The following STK32B variants were observed in gnomAD, a reference collection of about 807,000 sequenced individuals.
STK32B encodes serine/threonine kinase 32B.
A neutral mutation model predicts 52.6 loss-of-function variants in STK32B; 43 were observed. The ratio of observed to expected loss-of-function variants is 0.82; its 90% CI spans 0.64 to 1.05. The LOEUF (loss-of-function observed/expected upper bound fraction) is 1.05. Among genes scored for constraint, STK32B ranks in the 50% least tolerant of loss-of-function variants. The probability of loss-of-function intolerance (pLI) is 0.00; values close to 1 mark genes in which losing one functional copy is unlikely to be tolerated. For missense variants in STK32B, 621 were observed against 534.6 expected (o/e 1.16, Z -1.59); for synonymous variants, 238 against 204.3 (o/e 1.17, Z -1.41).
intron 3 of STK32B, among the ~76,000 whole-genome samples, chr4:5,275,864 T>G (rs1474758346): frequency 1.3e-5 from 2 of 151,848 alleles, no homozygotes; most frequent in Non-Finnish European, 2.9e-5. Flanking sequence ...CATGTAAGAT[T>G]TGTAGTATTT....
At chr4:5,284,590 A>G (rs556849102) in intron 3 of STK32B, among the ~76,000 whole-genome samples, 2 of 152,334 alleles carry the variant, frequency 1.3e-5, no homozygotes, top group East Asian at 3.9e-4. Flanking sequence ...TTCAAAGTTG[A>G]TAGACATGTA....
the STK32B span, among the ~76,000 whole-genome samples, chr4:5,030,499 G>T: frequency 1.1e-4 from 16 of 152,214 alleles, no homozygotes; most frequent in Admixed American, 2.0e-4. Context: ...GCCTGGAAAC[G>T]AACAATAGCT....
chr4:5,079,959 G>A (rs560402900), intron 1 of STK32B, among the ~76,000 whole-genome samples: 117 of 152,224 alleles, frequency 7.7e-4, no homozygotes, highest in Middle Eastern at 3.4e-3. Flanking sequence ...AGAGAGGTTG[G>A]GGGCTGGGGA....
chr4:5,061,258 G>A (rs528639291), intron 1 of STK32B, among the ~76,000 whole-genome samples: 26 of 152,152 alleles, frequency 1.7e-4, no homozygotes, highest in African/African-American at 6.3e-4. Flanking sequence ...CTTCAGGTCT[G>A]TCTGCTATTA....
intron 2 of STK32B, among the ~76,000 whole-genome samples, chr4:5,152,607 A>T (rs1406606617): frequency 2.0e-5 from 3 of 152,228 alleles, no homozygotes; most frequent in Admixed American, 2.0e-4. Flanking sequence ...GACAGTGCAG[A>T]GTGTGTGTCT....
In STK32B at chr4:5,315,664, T is replaced by TTTTTTC. The variant is rs201061706; in HGVS notation, c.261-15538_261-15533dup. ...GATGGAGTAAGGCAATTCTTGAGTATTTTTTCTTTTTCTTTTTCTTTTTTT... is the reference window on the plus strand; with the variant it reads ...GATGGAGTAAGGCAATTCTTGAGTATTTTTTCTTTTTCTTTTTCTTTTTCTTTTTTT... On this transcript the variant is annotated intron_variant, in intron 3 of 11. Coordinates refer to ENST00000282908, the MANE Select transcript of STK32B (RefSeq NM_018401.3). Among the ~76,000 whole-genome samples the TTTTTTC allele has an allele frequency of 3.7e-4, 55 of 147,912 alleles. No homozygotes were observed. In the South Asian group the frequency reaches 5.2e-3, roughly 14 times the overall value.
intron 4 of STK32B, among the ~76,000 whole-genome samples, chr4:5,343,886 T>C (rs776628608): frequency 6.6e-6 from 1 of 152,222 alleles, no homozygotes; most frequent in Non-Finnish European, 1.5e-5. Flanking sequence ...TTTGAAGTCT[T>C]ATATGTTATG....
intron 11 of STK32B, among the ~76,000 whole-genome samples, chr4:5,492,716 C>A (rs934356235): frequency 2.9e-4 from 44 of 151,310 alleles, no homozygotes; most frequent in Non-Finnish European, 5.6e-4. Flanking sequence ...GTGGGTTTGT[C>A]ATAGATAGCT....
intron 1 of STK32B, among the ~76,000 whole-genome samples, chr4:5,073,617 G>A (rs566361797): frequency 3.3e-5 from 5 of 151,874 alleles, no homozygotes; most frequent in East Asian, 1.9e-4. Flanking sequence ...TATATCATTT[G>A]TCTTCAGCCT....
chr4:5,242,260 A>T (rs1725086888), intron 3 of STK32B, among the ~76,000 whole-genome samples: 1 of 152,150 alleles, frequency 6.6e-6, no homozygotes, highest in African/African-American at 2.4e-5. Flanking sequence ...CTTTTTAATG[A>T]TCGCCATTCT....
chr4:5,494,513 T>C (rs1275725298), intron 11 of STK32B, among the ~76,000 whole-genome samples: 1 of 152,194 alleles, frequency 6.6e-6, no homozygotes, highest in Non-Finnish European at 1.5e-5. Flanking sequence ...CATGGATGGC[T>C]CTTGACTCTT....
chr4:5,368,738 G>T (rs1172818009), intron 4 of STK32B, among the ~76,000 whole-genome samples: 1 of 152,182 alleles, frequency 6.6e-6, no homozygotes, highest in African/African-American at 2.4e-5. Context: ...CCTTCCTGCA[G>T]TTCCTGTCCT....
intron 3 of STK32B, among the ~76,000 whole-genome samples, chr4:5,266,756 C>A (rs1173035810): frequency 6.6e-6 from 1 of 152,100 alleles, no homozygotes; most frequent in Non-Finnish European, 1.5e-5. Flanking sequence ...TTTAGCAATT[C>A]CCCTTGGCCT....
intron 3 of STK32B, among the ~76,000 whole-genome samples, chr4:5,249,429 TCCTTCCTA>T (rs879717559): frequency 0.012 from 1,177 of 94,268 alleles, 17 homozygotes; most frequent in Admixed American, 0.035. Context: ...TGTTCTTCCT[TCCTTCCTA>T]CCTACCTTCC....
intron 6 of STK32B, among the ~76,000 whole-genome samples, chr4:5,417,700 T>G (rs1038419332): frequency 2.0e-5 from 3 of 152,360 alleles, no homozygotes; most frequent in Middle Eastern, 3.4e-3. Flanking sequence ...ATATCTTTAT[T>G]ACGTGTTAAT....
At chr4:5,193,461 C>G (rs2108767120) in intron 3 of STK32B, among the ~76,000 whole-genome samples, 1 of 152,358 alleles carries the variant, frequency 6.6e-6, no homozygotes, top group East Asian at 1.9e-4. Flanking sequence ...CTATCTCTGT[C>G]TGACTCCAAG....
At chr4:5,045,192 C>A in the STK32B span, among the ~76,000 whole-genome samples, 6 of 152,250 alleles carry the variant, frequency 3.9e-5, no homozygotes, top group Non-Finnish European at 7.3e-5. Context: ...AGCCACCTGC[C>A]AGGCTCTGCC....
chr4:5,431,111 T>C (rs555512977), intron 6 of STK32B, among the ~76,000 whole-genome samples: 24 of 152,312 alleles, frequency 1.6e-4, no homozygotes, highest in African/African-American at 5.5e-4. Flanking sequence ...CCCAGGATCA[T>C]GGTAGGGAAA....
At chr4:5,095,812 C>T (rs1408348081) in intron 1 of STK32B, among the ~76,000 whole-genome samples, 1 of 152,134 alleles carries the variant, frequency 6.6e-6, no homozygotes, top group Non-Finnish European at 1.5e-5. Context: ...GAGCAACATA[C>T]GCGATGTGTT....
Sources: gnomAD v4.1 joint callset for allele counts (sites outside exome capture counted in the v4.1 genomes callset) on GRCh38, gnomAD v4.1.1 for gene constraint, MANE v1.5 for transcripts, NCBI Gene and HGNC (gene_info 2026-07-23, HGNC 2026-07-21) for gene names.